POLR3B: variants seen among roughly 807,000 people sequenced by gnomAD.
POLR3B encodes the protein RNA polymerase III subunit B.
Under a neutral mutation model 147.4 loss-of-function variants are expected in POLR3B, and 96 were observed. That is an observed-to-expected ratio of 0.65 (90% CI 0.55 to 0.77). The LOEUF is 0.77. POLR3B is among the 30% of genes least tolerant of loss of function. POLR3B has a pLI of 0.00. For synonymous variants in POLR3B, 461 were observed against 485.9 expected (o/e 0.95, Z 0.67); for missense variants, 1,036 against 1,413.5 (o/e 0.73, Z 4.28).
rs187710053 is a variant in POLR3B, at chr12:106,362,116, A to T, written c.73-1754A>T. Among the ~76,000 whole-genome samples the T allele has an allele frequency of 7.3e-3, 1,092 of 150,128 alleles. 9 individuals carry two copies. Among genetic ancestry groups the T allele is most frequent in the Non-Finnish European group, 0.011 (751 of 67,304 alleles). ...AGCTGCTGAGTCAAGAAAGTTTTAA[A>T]TTTTTTTTTTAATGGGAGGATTTGA... On this transcript the variant is annotated intron_variant, in intron 1 of 27. Transcript: ENST00000228347.
At chr12:106,434,906 A>G (rs1179632453) in intron 16 of POLR3B, among the ~76,000 whole-genome samples, 1 of 152,214 alleles carries the variant, frequency 6.6e-6, no homozygotes, top group East Asian at 1.9e-4. Context: ...GGTTGGGCAT[A>G]TGACCCAAAT....
chr12:106,446,546 A>G (rs949876548), intron 19 of POLR3B, among the ~76,000 whole-genome samples: 1 of 151,942 alleles, frequency 6.6e-6, no homozygotes, highest in South Asian at 2.1e-4. Context: ...GTGTCTGTAG[A>G]GTTCTTTTGT....
intron 9 of POLR3B, among the ~76,000 whole-genome samples, chr12:106,382,268 C>T (rs1174420836): frequency 1.3e-5 from 2 of 152,176 alleles, no homozygotes; most frequent in Non-Finnish European, 2.9e-5. Context: ...ATAAGACAAC[C>T]CTAGTCCTAA....
chr12:106,448,527 C>A (rs1454930123), intron 19 of POLR3B, among the ~76,000 whole-genome samples: 1 of 138,362 alleles, frequency 7.2e-6, no homozygotes, highest in Admixed American at 7.9e-5. Flanking sequence ...ACCTCCACTT[C>A]CTGGGTTCAA....
Position 106,357,966 on chromosome 12 carries a change from C to A in POLR3B, c.72+15C>A, listed in dbSNP as rs758590762. ...CGACTGTAGAGGTCAGTGCCAGGCA[C>A]GCAGGGAGCGTCAGGGACAAGGATG... On this transcript the variant is annotated intron_variant, in intron 1 of 27. Transcript: ENST00000228347. 1 of 1,611,396 alleles carries A rather than the reference C, an allele frequency of 6.2e-7. No individual in the cohort carries two copies. The highest frequency in any genetic ancestry group is 8.5e-7 in the Non-Finnish European group (1 of 1,179,800).
intron 13 of POLR3B, among the ~76,000 whole-genome samples, chr12:106,428,052 A>G (rs1197786560): frequency 1.3e-5 from 2 of 152,200 alleles, no homozygotes; most frequent in Non-Finnish European, 2.9e-5. Context: ...ACTTGCTTCA[A>G]TACTTGACTT....
At chr12:106,439,736 A>G (rs2037624343) in intron 18 of POLR3B, among the ~76,000 whole-genome samples, 1 of 152,040 alleles carries the variant, frequency 6.6e-6, no homozygotes, top group Non-Finnish European at 1.5e-5. Context: ...GAATCTCTCA[A>G]AGTGCTATTT....
intron 12 of POLR3B, among the ~76,000 whole-genome samples, chr12:106,412,644 T>C (rs909859677): frequency 1.3e-5 from 2 of 152,236 alleles, no homozygotes; most frequent in African/African-American, 4.8e-5. Context: ...GTTTATACAG[T>C]TGAGCCACAT....
chr12:106,437,021 A>G (rs774443019), intron 16 of POLR3B, 36 bp from the exon 17 acceptor site: 1 of 1,529,622 alleles, frequency 6.5e-7, no homozygotes, highest in Non-Finnish European at 9.0e-7. Flanking sequence ...TTTTCCCTGG[A>G]ACTATTATTA....
chr12:106,410,429 A>T, intron 11 of POLR3B: 1 of 235,148 alleles, frequency 4.3e-6, no homozygotes, highest in Non-Finnish European at 8.5e-6. Flanking sequence ...ACTCTAAGAG[A>T]AAGGAAGAGG....
chr12:106,504,251 G>T lies in POLR3B; in HGVS notation c.3269G>T (p.Gly1090Val), dbSNP rs770376797. Residue 1090 changes from glycine to valine, a missense_variant, in exon 27 of 28, where the codon GGC (glycine) becomes GTC (valine). This residue lies in a region of POLR3B where 69 missense variants were observed against 89.8 expected (regional missense o/e 0.77). Coordinates refer to ENST00000228347, the MANE Select transcript of POLR3B (RefSeq NM_018082.6). This position sits in a 1 kb window ranked among gnomAD's most constrained non-coding sequence, Gnocchi z 4.6. The stretch of plus-strand genomic sequence containing the variant: ...CAGTGTGGACTTCTGGGGTATTCTG[G>T]CTGGTAAGTGGATACCATATGTCTC... ...CGQCGLLGYS[G>V]WCHYCKSSCH... is the part of the protein sequence containing the mutation. 235 of 1,612,766 alleles carry T rather than the reference G, an allele frequency of 1.5e-4. No individual in the cohort carries two copies. The highest frequency in any genetic ancestry group is 2.0e-4 in the Non-Finnish European group (231 of 1,178,888).
chr12:106,397,463 C>T (rs144291506), intron 10 of POLR3B, among the ~76,000 whole-genome samples: 159 of 152,112 alleles, frequency 1.0e-3, no homozygotes, highest in African/African-American at 2.9e-3. Flanking sequence ...ATTTTTGCAC[C>T]GTAGATTAGT....
chr12:106,386,452 G>A (rs1453607735), intron 9 of POLR3B, among the ~76,000 whole-genome samples: 5 of 151,504 alleles, frequency 3.3e-5, no homozygotes, highest in African/African-American at 9.7e-5. Flanking sequence ...AAGTTTTATA[G>A]ACACTTGAAG....
intron 10 of POLR3B, among the ~76,000 whole-genome samples, chr12:106,401,649 T>G (rs1362896958): frequency 6.6e-6 from 1 of 152,246 alleles, no homozygotes; most frequent in Non-Finnish European, 1.5e-5. Context: ...GATGCAAGGC[T>G]GGTTCAACAT....
Position 106,398,308 on chromosome 12 carries a change from C to T in POLR3B, c.846+5155C>T, listed in dbSNP as rs553327856. ...GGAGGGGCGCCCACCATTGCCGAGA[C>T]TTGATTAGGTAAACAAAGCGGCTGG... On this transcript the variant is annotated intron_variant, in intron 10 of 27. Transcript: ENST00000228347. Among the ~76,000 whole-genome samples the T allele has an allele frequency of 4.6e-5, 7 of 151,832 alleles. No individual in the cohort carries two copies. The South Asian group carries it at 1.0e-3, about 23-fold the overall frequency.
Position 106,410,888 on chromosome 12 carries a change from T to C in POLR3B, c.1029T>C (p.Ile343=). The C allele has an allele frequency of 6.2e-7, 1 of 1,613,830 alleles. No individual in the cohort carries two copies. Among genetic ancestry groups the C allele is most frequent in the Non-Finnish European group, 8.5e-7 (1 of 1,179,738 alleles). ...IYTAVMVRRV[I]LAQGDNKVDD... ...CTGCAGTGATGGTGCGAAGAGTTAT[T>C]CTGGCCCAAGGAGATAATAAAGTTG... The change falls in exon 12 of 28, where the codon ATT becomes ATC. Residue 343 remains isoleucine, a synonymous_variant. Transcript: ENST00000228347.
intron 6 of POLR3B, among the ~76,000 whole-genome samples, chr12:106,375,025 T>G (rs1245148385): frequency 1.3e-5 from 2 of 152,216 alleles, no homozygotes; most frequent in Non-Finnish European, 2.9e-5. Flanking sequence ...AGTACATTAG[T>G]AACTTCTCTC....
chr12:106,374,833 T>G (rs1412875176), intron 6 of POLR3B, among the ~76,000 whole-genome samples: 2 of 152,196 alleles, frequency 1.3e-5, no homozygotes, highest in East Asian at 3.9e-4. Flanking sequence ...CATGTTTTTT[T>G]CACCTATAAA....
At chr12:106,490,765 G>A (rs143625248) in intron 23 of POLR3B, among the ~76,000 whole-genome samples, 70 of 152,352 alleles carry the variant, frequency 4.6e-4, no homozygotes, top group African/African-American at 1.6e-3. Flanking sequence ...TTTCATTTCT[G>A]AATGTATAAA....
Sources: gnomAD v4.1 joint callset for allele counts (sites outside exome capture counted in the v4.1 genomes callset) on GRCh38, gnomAD v4.1.1 for gene constraint, gnomAD v4.1.1 regional missense constraint, Gnocchi (gnomAD v3.1) non-coding constraint, MANE v1.5 for transcripts, NCBI Gene and HGNC (gene_info 2026-07-23, HGNC 2026-07-21) for gene names.